The following PCDHGA1 variants were observed in gnomAD, a reference collection of about 807,000 sequenced individuals.
PCDHGA1 encodes the protein protocadherin gamma-A1.
In PCDHGA1, 32 loss-of-function variants were observed where a neutral mutation model predicts 58.0. That is an observed-to-expected ratio of 0.55 (90% confidence interval 0.42 to 0.74). The LOEUF (loss-of-function observed/expected upper bound fraction) is 0.74, where lower values mean the gene tolerates loss of function less well. PCDHGA1 is among the 30% of genes least tolerant of loss of function. PCDHGA1 has a pLI of 0.00. For missense variants in PCDHGA1, 1,205 were observed against 1,182.3 expected (o/e 1.02, Z -0.28); for synonymous variants, 498 against 501.1 (o/e 0.99, Z 0.08).
chr5:141,402,994 C>A (rs1253121982), intron 1 of PCDHGA1: 1 of 1,613,722 alleles, frequency 6.2e-7, no homozygotes, highest in Non-Finnish European at 8.5e-7. Context: ...GAAGATTAGT[C>A]CTGCTATGCT....
chr5:141,433,228 C>G (rs2097577964), intron 1 of PCDHGA1: 7 of 1,522,184 alleles, frequency 4.6e-6, no homozygotes, highest in Non-Finnish European at 5.4e-6. Flanking sequence ...TTTAATTGCT[C>G]TGTCTCCCAA....
chr5:141,388,170 T>C (rs756859307), intron 1 of PCDHGA1: 9 of 1,495,754 alleles, frequency 6.0e-6, no homozygotes, highest in Non-Finnish European at 8.3e-6. Flanking sequence ...GGAGGAGATA[T>C]GCGGGAAGAA....
At chr5:141,414,100 G>A (rs1293589634) in intron 1 of PCDHGA1, 2 of 1,593,288 alleles carry the variant, frequency 1.3e-6, no homozygotes. Context: ...AAAAATATCA[G>A]AAAATCTAGA....
In PCDHGA1 at chr5:141,332,936, A is replaced by G. The variant is rs1255389125; in HGVS notation, c.2252A>G (p.Gln751Arg). 6.2e-7 allele frequency: 1 copy of G among 1,614,066 alleles called. No individual in the cohort carries two copies. Among genetic ancestry groups the G allele is most frequent in the African/African-American group, 1.3e-5 (1 of 74,926 alleles). Reference protein sequence around the residue: ...VGVDGVRAFLQTYSHEVSLTA... With the variant: ...VGVDGVRAFLRTYSHEVSLTA... ...GTGGACGGGGTTCGGGCTTTCCTGC[A>G]GACCTATTCCCACGAGGTCTCCCTC... The change falls in exon 1 of 4, where the codon CAG becomes CGG. Residue 751 changes from glutamine to arginine, a missense_variant. Coordinates refer to ENST00000517417, the MANE Select transcript of PCDHGA1 (RefSeq NM_018912.3). The surrounding 1 kb of genome is among the most constrained non-coding windows in gnomAD (Gnocchi z 4.6).
chr5:141,505,283 G>A, intron 2 of PCDHGA1, 110 bp from the exon 3 acceptor site: 5 of 1,547,446 alleles, frequency 3.2e-6, no homozygotes, highest in Non-Finnish European at 3.5e-6. Flanking sequence ...ACAGGTCTTG[G>A]GCATGGGGTA....
chr5:141,444,013 C>T (rs1226458485), intron 1 of PCDHGA1, among the ~76,000 whole-genome samples: 2 of 152,060 alleles, frequency 1.3e-5, no homozygotes, highest in Admixed American at 6.6e-5. Flanking sequence ...TGGGTATTGG[C>T]TTCTAAAAGG....
intron 1 of PCDHGA1, chr5:141,346,505 G>A: frequency 6.2e-7 from 1 of 1,609,546 alleles, no homozygotes; most frequent in Non-Finnish European, 8.5e-7. Context: ...ATGAGAATGT[G>A]GTTATTATAA....
intron 1 of PCDHGA1, among the ~76,000 whole-genome samples, chr5:141,457,537 T>C (rs967428207): frequency 6.6e-6 from 1 of 152,228 alleles, no homozygotes; most frequent in Non-Finnish European, 1.5e-5. Context: ...TAGGGTTTAA[T>C]GACAAATGTA....
At chr5:141,344,455 A>C (rs761480508) in intron 1 of PCDHGA1, 1 of 1,613,848 alleles carries the variant, frequency 6.2e-7, no homozygotes, top group Non-Finnish European at 8.5e-7. Flanking sequence ...TTGGAAATAA[A>C]AATTGGTGAA....
chr5:141,431,356 C>T lies in PCDHGA1; in HGVS notation c.2422-63451C>T. ...ACCCCGAATTGGTGCTGAAACGCGC[C>T]CTGGACCGCGAAGAAAAGGCTGCTC... On this transcript the variant is annotated intron_variant, in intron 1 of 3. Transcript: ENST00000517417. This position sits in a 1 kb window ranked among gnomAD's most constrained non-coding sequence, Gnocchi z 4.8. 6.2e-7 allele frequency: 1 copy of T among 1,614,004 alleles called. No individual in the cohort carries two copies. The highest frequency in any genetic ancestry group is 8.5e-7 in the Non-Finnish European group (1 of 1,180,026).
Position 141,332,242 on chromosome 5 carries a change from T to C in PCDHGA1, c.1558T>C (p.Phe520Leu), listed in dbSNP as rs1561472520. The change falls in exon 1 of 4, where the codon TTC becomes CTC. Residue 520 changes from phenylalanine to leucine, a missense_variant. Transcript: ENST00000517417. The surrounding 1 kb of genome is among the most constrained non-coding windows in gnomAD (Gnocchi z 4.6). ...DTGVLYALRS[F>L]DYEQFRDMQL... Reference sequence around the variant, plus strand: ...TGGGGTCCTGTATGCGCTGCGATCCTTCGACTATGAGCAGTTCCGGGACAT... The same window carrying C: ...TGGGGTCCTGTATGCGCTGCGATCCCTCGACTATGAGCAGTTCCGGGACAT... 6.2e-7 allele frequency: 1 copy of C among 1,614,222 alleles called. No homozygotes were observed. Among genetic ancestry groups the C allele is most frequent in the East Asian group, 2.2e-5 (1 of 44,882 alleles).
intron 1 of PCDHGA1, chr5:141,342,306 C>G (rs1165066905): frequency 1.3e-5 from 2 of 152,188 alleles, no homozygotes. Flanking sequence ...TTCCCAATCC[C>G]TCACCCAATC....
chr5:141,443,733 C>T (rs7723254), intron 1 of PCDHGA1, among the ~76,000 whole-genome samples: 16,856 of 152,062 alleles, frequency 0.11, 1,109 homozygotes, highest in African/African-American at 0.17. Context: ...TCATACATTT[C>T]CCTATCAGTG....
intron 1 of PCDHGA1, chr5:141,376,385 C>T (rs1200175997): frequency 6.2e-7 from 1 of 1,614,120 alleles, no homozygotes; most frequent in Non-Finnish European, 8.5e-7. Flanking sequence ...TAAGAGTCAT[C>T]TGATTTTCCC....
intron 1 of PCDHGA1, chr5:141,423,851 C>A (rs1311833319): frequency 2.4e-6 from 3 of 1,275,940 alleles, no homozygotes; most frequent in East Asian, 3.1e-5. Context: ...TCTTTCAGAA[C>A]GTTTTTGTGA....
chr5:141,500,467 C>T lies in PCDHGA1; in HGVS notation c.2481-4926C>T, dbSNP rs368360639. 6.6e-5 allele frequency among the ~76,000 whole-genome samples: 10 copies of T among 152,262 alleles called. No homozygotes were observed. In the South Asian group the frequency reaches 2.1e-3, roughly 32 times the overall value. ...CTCGTGATCCGCCCGCCTCGGCCTC[C>T]CAAAGTGCTGGGATTACAGGCGTGA... is the stretch of plus-strand genomic sequence containing the variant. On this transcript the variant is annotated intron_variant, in intron 2 of 3. Coordinates refer to ENST00000517417, the MANE Select transcript of PCDHGA1 (RefSeq NM_018912.3).
At chr5:141,510,134 C>T (rs1273076437) in intron 3 of PCDHGA1, among the ~76,000 whole-genome samples, 1 of 152,064 alleles carries the variant, frequency 6.6e-6, no homozygotes, top group East Asian at 1.9e-4. Context: ...ATTAGCTGGG[C>T]TAGTGGTGTG....
At chr5:141,426,788 T>C (rs2096960035) in intron 1 of PCDHGA1, 1 of 456,568 alleles carries the variant, frequency 2.2e-6, no homozygotes, top group African/African-American at 2.0e-5. Context: ...CTCTCCAGAG[T>C]TACCAGCTCA....
chr5:141,399,360 C>T, intron 1 of PCDHGA1: 1 of 1,613,978 alleles, frequency 6.2e-7, no homozygotes, highest in Non-Finnish European at 8.5e-7. Context: ...GAGAGCAAAC[C>T]CCGGAGTACA....
Sources: gnomAD v4.1 joint callset for allele counts (sites outside exome capture counted in the v4.1 genomes callset) on GRCh38, gnomAD v4.1.1 for gene constraint, Gnocchi (gnomAD v3.1) non-coding constraint, MANE v1.5 for transcripts, NCBI Gene and HGNC (gene_info 2026-07-23, HGNC 2026-07-21) for gene names.